The following SHOC1 variants were observed in gnomAD, a reference collection of about 807,000 sequenced individuals.
SHOC1 encodes protein shortage in chiasmata 1 ortholog.
Under a neutral mutation model 179.2 loss-of-function variants are expected in SHOC1, and 136 were observed. That is an observed-to-expected ratio of 0.76 (90% confidence interval 0.66 to 0.87). SHOC1 has a LOEUF of 0.87. Ranked by LOEUF, SHOC1 falls within the 40% of genes least tolerant of loss-of-function variation. The pLI is 0.00. For synonymous variants in SHOC1, 489 were observed against 586.6 expected, an observed-to-expected ratio of 0.83 and a Z score of 2.41; for missense variants, 1,538 against 1,700.8, an observed-to-expected ratio of 0.90 and a Z score of 1.68.
rs538935485 is a variant in SHOC1 at position 111,763,616 on chromosome 9, A to C, written c.443-4768T>G. 1.4e-4 allele frequency among the ~76,000 whole-genome samples: 22 copies of C among 152,320 alleles called. No individual in the cohort carries two copies. In the East Asian group the frequency reaches 3.9e-3, roughly 27 times the overall value. On this transcript the variant is annotated intron_variant, in intron 5 of 27. Transcript: ENST00000682961. ...AATTAAGACTTTTTGGATATGGAAGATTAAAAAAAATTTACTACCTACATT... is the reference window on the plus strand; with the variant it reads ...AATTAAGACTTTTTGGATATGGAAGCTTAAAAAAAATTTACTACCTACATT...
At chr9:111,752,053 G>A (rs7035040) in intron 8 of SHOC1, among the ~76,000 whole-genome samples, 93,600 of 152,044 alleles carry the variant, frequency 0.62, 29,314 homozygotes, top group East Asian at 0.9. Context: ...AATGGGAAGG[G>A]AATTGATACT....
intron 4 of SHOC1, among the ~76,000 whole-genome samples, chr9:111,777,500 T>C (rs1835880746): frequency 6.6e-6 from 1 of 152,242 alleles, no homozygotes; most frequent in Non-Finnish European, 1.5e-5. Context: ...AGGTTTGATC[T>C]CTTTCACTGT....
At position 111,780,849 on chromosome 9, in the gene SHOC1, T is replaced by C; in HGVS notation, c.257+81A>G. On this transcript the variant is annotated intron_variant, in intron 4 of 27. Transcript: ENST00000682961. The stretch of plus-strand genomic sequence containing the variant: ...CCATGAAGAGATAAAGGAAGAGATT[T>C]TCCCTCTTTAGGTATCTGGAGAACT... The C allele has an allele frequency of 4.3e-6, 4 of 936,100 alleles. No homozygotes were observed. The East Asian group carries it at 1.0e-4, about 23-fold the overall frequency. 58.0% of individuals were successfully genotyped at this position (936,100 alleles called of 1,614,324 possible).
chr9:111,691,441 A>G (rs567304321), intron 27 of SHOC1, 110 bp downstream of exon 27: 2 of 933,128 alleles, frequency 2.1e-6, no homozygotes, highest in African/African-American at 3.4e-5. Flanking sequence ...GTTATTAGAG[A>G]AGTTTTTTAA....
chr9:111,703,867 C>G lies in SHOC1; in HGVS notation c.2967+14G>C. 7.5e-7 allele frequency: 1 copy of G among 1,337,800 alleles called. No individual in the cohort carries two copies. The allele number at this position is 1,337,800 out of a possible 1,614,324, so 82.9% of individuals were successfully genotyped here. On this transcript the variant is annotated intron_variant, in intron 22 of 27. Transcript: ENST00000682961. ...TAGTCTATTTTAGTTTATATATTTT[C>G]TACCTAGTTTTACCTGCAAAATTAT...
chr9:111,752,536 A>C (rs997686478), intron 8 of SHOC1, among the ~76,000 whole-genome samples: 63 of 152,252 alleles, frequency 4.1e-4, no homozygotes, highest in African/African-American at 1.5e-3. Flanking sequence ...GATACAATCC[A>C]AATACAGTTA....
At chr9:111,736,540 C>T (rs922939008) in intron 12 of SHOC1, among the ~76,000 whole-genome samples, 2 of 152,188 alleles carry the variant, frequency 1.3e-5, no homozygotes, top group South Asian at 2.1e-4. Flanking sequence ...GGATCGCTAT[C>T]TTTCACCATA....
intron 6 of SHOC1, 89 bp downstream of exon 6, chr9:111,758,606 A>AG: frequency 7.9e-7 from 1 of 1,267,514 alleles, no homozygotes; most frequent in Non-Finnish European, 1.1e-6. Context: ...ACAAAAAAAA[A>AG]CATTGTTGAT....
At chr9:111,724,063 G>A in intron 13 of SHOC1, 152 bp from the exon 14 acceptor site, 1 of 611,892 alleles carries the variant, frequency 1.6e-6, no homozygotes, top group Non-Finnish European at 2.8e-6. Context: ...TCAGATCAAT[G>A]GAACTAACAC....
chr9:111,765,158 T>C (rs1012873004), intron 5 of SHOC1, among the ~76,000 whole-genome samples: 1 of 148,610 alleles, frequency 6.7e-6, no homozygotes, highest in African/African-American at 2.5e-5. Flanking sequence ...AAAAAAAGTG[T>C]TATACAACCA....
At chr9:111,763,912 G>GAAAAC (rs1307050807) in intron 5 of SHOC1, among the ~76,000 whole-genome samples, 1 of 152,074 alleles carries the variant, frequency 6.6e-6, no homozygotes, top group Non-Finnish European at 1.5e-5. Context: ...TAAATACATA[G>GAAAAC]AAAACAAAAC....
At chr9:111,755,840 C>T (rs1055507606) in intron 8 of SHOC1, among the ~76,000 whole-genome samples, 4 of 151,984 alleles carry the variant, frequency 2.6e-5, no homozygotes, top group African/African-American at 9.7e-5. Context: ...AAGAGAATGA[C>T]GGCTGGGTGC....
chr9:111,686,835 G>A lies in SHOC1; in HGVS notation c.4462C>T (p.Arg1488Ter), dbSNP rs770373081. The change falls in exon 28 of 28, where the codon CGA (arginine) becomes TGA (stop). Residue 1488 changes from arginine to a stop codon, truncating the protein, a stop_gained. Coordinates refer to ENST00000682961, the MANE Select transcript of SHOC1 (RefSeq NM_001378211.1). LOFTEE classifies it high-confidence loss of function. ...MCSQLPQFKK[R>*]RLAYEKVPGR... ...GGGACTTTTTCATATGCTAGACGTC[G>A]TTTTTTGAATTGTGGTAGTTGTGAG... 19 of 1,611,984 alleles carry A rather than the reference G, an allele frequency of 1.2e-5. No homozygotes were observed. Among genetic ancestry groups the A allele is most frequent in the East Asian group, 6.7e-5 (3 of 44,768 alleles).
chr9:111,699,554 T>G (rs991564339), intron 24 of SHOC1, among the ~76,000 whole-genome samples: 2 of 152,124 alleles, frequency 1.3e-5, no homozygotes, highest in Non-Finnish European at 2.9e-5. Flanking sequence ...AGTGGGACAC[T>G]GAAAAAGGGG....
chr9:111,758,878 A>G, intron 5 of SHOC1, 30 bp from the exon 6 acceptor site: 2 of 1,317,648 alleles, frequency 1.5e-6, no homozygotes, highest in Non-Finnish European at 2.1e-6. Context: ...ATAAAGGAAT[A>G]AGAAAAAAAC....
intron 7 of SHOC1, 86 bp from the exon 8 acceptor site, chr9:111,756,564 A>G: frequency 8.9e-7 from 1 of 1,122,014 alleles, no homozygotes; most frequent in Non-Finnish European, 1.3e-6. Context: ...ATTTGCTTAA[A>G]TGATGTGCCA....
At chr9:111,753,004 G>A (rs1179413179) in intron 8 of SHOC1, among the ~76,000 whole-genome samples, 1 of 152,082 alleles carries the variant, frequency 6.6e-6, no homozygotes, top group Admixed American at 6.5e-5. Context: ...CTTGAGCCCA[G>A]GAGTTCAAGA....
chr9:111,756,472 T>C lies in SHOC1; in HGVS notation c.715A>G (p.Ser239Gly). ...EDTICLNEPSSFLIEYEFLIP... is the reference protein window; with the variant it reads ...EDTICLNEPSGFLIEYEFLIP... ...AAGAATTCATACTCAATAAGAAAAC[T>C]TGACGGCTGAAAAAACATAGTTTAA... Residue 239 changes from serine (S) to glycine (G), a missense_variant, in exon 8 of 28, where the codon AGT becomes GGT. By Grantham distance (56) the Ser-to-Gly change is moderately conservative. Transcript: ENST00000682961. The C allele has an allele frequency of 6.3e-7, 1 of 1,589,454 alleles. No individual in the cohort carries two copies. The highest frequency in any genetic ancestry group is 8.5e-7 in the Non-Finnish European group (1 of 1,174,028).
chr9:111,717,205 G>A (rs1277206910), intron 16 of SHOC1, among the ~76,000 whole-genome samples: 1 of 152,282 alleles, frequency 6.6e-6, no homozygotes, highest in East Asian at 1.9e-4. Flanking sequence ...AAATGTCTGG[G>A]TCTTAGATCA....
Sources: gnomAD v4.1 joint callset for allele counts (sites outside exome capture counted in the v4.1 genomes callset) on GRCh38, gnomAD v4.1.1 for gene constraint, MANE v1.5 for transcripts, NCBI Gene and HGNC (gene_info 2026-07-23, HGNC 2026-07-21) for gene names.